TACC1: variants seen among roughly 807,000 people sequenced by gnomAD.
TACC1 encodes transforming acidic coiled-coil containing protein 1, also known as transforming acidic coiled-coil-containing protein 1.
A neutral mutation model predicts 84.4 loss-of-function variants in TACC1; 48 were observed. That is an observed-to-expected ratio of 0.57 (90% CI 0.45 to 0.72). The LOEUF (loss-of-function observed/expected upper bound fraction) is 0.72. TACC1 is among the 30% of genes least tolerant of loss of function. The pLI, the probability that TACC1 is intolerant of heterozygous loss-of-function variation, is 0.00. For synonymous variants in TACC1, 372 were observed against 376.3 expected (o/e 0.99, Z 0.13); for missense variants, 920 against 973.0 (o/e 0.95, Z 0.72).
At chr8:38,820,718 CTGAATTTACCTTTGAGG>C in intron 3 of TACC1, 83 bp downstream of exon 3, 1 of 1,527,474 alleles carries the variant, frequency 6.5e-7, no homozygotes, top group Non-Finnish European at 8.8e-7. Context: ...CTTTGGTGAA[CTGAATTTACCTTTGAGG>C]TGCACCGAGG....
intron 3 of TACC1, among the ~76,000 whole-genome samples, chr8:38,761,178 T>C (rs537562376): frequency 1.3e-5 from 2 of 152,302 alleles, no homozygotes; most frequent in African/African-American, 4.8e-5. Context: ...CATTCCTTAG[T>C]TGTGTATTTT....
rs2151979166 is a variant in TACC1 at position 38,787,338 on chromosome 8, A to G, written c.-245A>G. The stretch of plus-strand genomic sequence containing the variant: ...GGACGGGCGTCTTCCCGGCTAGTGG[A>G]GCCCGGCGCGGGGCCCGCTGCGGCC... On this transcript the variant is annotated 5_prime_UTR_variant, in exon 1 of 13. Coordinates refer to ENST00000317827, the MANE Select transcript of TACC1 (RefSeq NM_006283.3). 1.6e-6 allele frequency: 2 copies of G among 1,287,904 alleles called. No individual in the cohort carries two copies. Among genetic ancestry groups the G allele is most frequent in the Non-Finnish European group, 2.0e-6 (2 of 1,019,634 alleles). 79.8% of individuals were successfully genotyped at this position (1,287,904 alleles called of 1,614,324 possible).
chr8:38,792,162 C>G (rs1818818215), intron 2 of TACC1, among the ~76,000 whole-genome samples: 1 of 152,200 alleles, frequency 6.6e-6, no homozygotes, highest in Admixed American at 6.5e-5. Context: ...TCTGTATTTG[C>G]TATCTGTCTG....
At chr8:38,764,789 G>C (rs1811905484) in intron 3 of TACC1, among the ~76,000 whole-genome samples, 1 of 151,846 alleles carries the variant, frequency 6.6e-6, no homozygotes, top group Non-Finnish European at 1.5e-5. Flanking sequence ...CAACAACTTT[G>C]AAATACCATT....
chr8:38,761,184 AT>A (rs1811139675), intron 3 of TACC1, among the ~76,000 whole-genome samples: 2 of 152,190 alleles, frequency 1.3e-5, no homozygotes, highest in African/African-American at 4.8e-5. Flanking sequence ...TTAGTTGTGT[AT>A]TTTTGGCGAT....
chr8:38,833,676 C>T (rs1829695621), intron 6 of TACC1, among the ~76,000 whole-genome samples: 1 of 152,124 alleles, frequency 6.6e-6, no homozygotes, highest in Non-Finnish European at 1.5e-5. Flanking sequence ...ATTCATTTAC[C>T]CTCTCAACAA....
At chr8:38,828,328 AT>A (rs1180386949) in intron 5 of TACC1, among the ~76,000 whole-genome samples, 1 of 152,226 alleles carries the variant, frequency 6.6e-6, no homozygotes, top group Non-Finnish European at 1.5e-5. Flanking sequence ...GAAAAGTGGT[AT>A]CTTTTTCCTC....
intron 3 of TACC1, chr8:38,757,350 T>G: frequency 7.9e-7 from 1 of 1,266,320 alleles, no homozygotes; most frequent in Non-Finnish European, 1.0e-6. Context: ...GCTCCCACTC[T>G]CAGACCCCGA....
At chr8:38,792,275 G>A (rs1179541668) in intron 2 of TACC1, among the ~76,000 whole-genome samples, 3 of 152,248 alleles carry the variant, frequency 2.0e-5, no homozygotes, top group East Asian at 1.9e-4. Flanking sequence ...ATGGACTTTT[G>A]AGGAGGTACA....
intron 3 of TACC1, among the ~76,000 whole-genome samples, chr8:38,759,642 G>A (rs1395931627): frequency 6.6e-6 from 1 of 152,140 alleles, no homozygotes; most frequent in Non-Finnish European, 1.5e-5. Context: ...CTTTGCCTAG[G>A]AATACAGTCC....
chr8:38,836,109 T>C (rs1830171001), intron 6 of TACC1, 53 bp from the exon 7 acceptor site: 1 of 1,602,402 alleles, frequency 6.2e-7, no homozygotes, highest in East Asian at 2.2e-5. Flanking sequence ...GAAGGATGTC[T>C]GGGGTTAAGA....
At chr8:38,758,863 G>A (rs1351774005) in intron 3 of TACC1, among the ~76,000 whole-genome samples, 1 of 151,888 alleles carries the variant, frequency 6.6e-6, no homozygotes, top group Non-Finnish European at 1.5e-5. Flanking sequence ...ACCTCTCCAA[G>A]GTCACACAGC....
chr8:38,741,883 T>C (rs569451342), intron 1 of TACC1, among the ~76,000 whole-genome samples: 2 of 152,080 alleles, frequency 1.3e-5, no homozygotes, highest in South Asian at 2.1e-4. Flanking sequence ...GCATAAAAAA[T>C]AGCCTGTTTA....
intron 3 of TACC1, among the ~76,000 whole-genome samples, chr8:38,824,998 A>G (rs753245612): frequency 2.6e-5 from 4 of 152,166 alleles, no homozygotes; most frequent in Non-Finnish European, 5.9e-5. Flanking sequence ...ACTGTCTGCA[A>G]AGCTTTTGGT....
chr8:38,843,222 C>T, intron 10 of TACC1, 67 bp from the exon 11 acceptor site: 3 of 1,083,466 alleles, frequency 2.8e-6, no homozygotes, highest in Non-Finnish European at 2.6e-6. Flanking sequence ...AAAATGAAAA[C>T]TCTGATATGT....
Position 38,787,859 on chromosome 8 carries a change from G to C in TACC1, c.161+116G>C. On this transcript the variant is annotated intron_variant, in intron 1 of 12. Transcript: ENST00000317827. ...GCGAAACCGTCCTCACGGCCGTGCCGCGTCCCTGCCCGGAGCCGGGTCCCC... is the reference window on the plus strand; with the variant it reads ...GCGAAACCGTCCTCACGGCCGTGCCCCGTCCCTGCCCGGAGCCGGGTCCCC... 4.7e-6 allele frequency: 5 copies of C among 1,054,744 alleles called. No homozygotes were observed. In the East Asian group the frequency reaches 1.6e-4, roughly 34 times the overall value. The allele number at this position is 1,054,744 out of a possible 1,614,324, so 65.3% of individuals were successfully genotyped here.
chr8:38,742,045 A>C (rs1807179762), intron 1 of TACC1, among the ~76,000 whole-genome samples: 1 of 152,242 alleles, frequency 6.6e-6, no homozygotes, highest in Admixed American at 6.5e-5. Flanking sequence ...GACACTGTAC[A>C]CTTGGCAGCT....
In TACC1 at chr8:38,773,577, GCTAT is replaced by G. The variant is rs1027512255; in HGVS notation, c.27-15119_27-15116del. On this transcript the variant is annotated intron_variant, in intron 3 of 14. Transcript: ENST00000518415. ...GTAAAAGTATCTATCTATCTAGCTA[GCTAT>G]CTATCTAGCTATCTATCTATCTAGC... is the stretch of plus-strand genomic sequence containing the variant. Among the ~76,000 whole-genome samples, 19 of 147,396 alleles carry G rather than the reference GCTAT, an allele frequency of 1.3e-4. No individual in the cohort carries two copies. In the South Asian group the frequency reaches 2.3e-3, roughly 18 times the overall value.
chr8:38,741,311 A>C (rs1378370584), intron 1 of TACC1, among the ~76,000 whole-genome samples: 1 of 151,894 alleles, frequency 6.6e-6, no homozygotes, highest in Non-Finnish European at 1.5e-5. Flanking sequence ...ACCCGCCACC[A>C]TGCCTGGCTG....
Sources: allele counts gnomAD v4.1 joint callset (sites outside exome capture counted in the v4.1 genomes callset), GRCh38; gene constraint gnomAD v4.1.1; transcripts MANE v1.5; gene names NCBI Gene and HGNC (gene_info 2026-07-23, HGNC 2026-07-21).